Variants in TANC1 observed in about 807,000 individuals in gnomAD.
The protein encoded by TANC1 is protein TANC1.
Under a neutral mutation model 149.7 loss-of-function variants are expected in TANC1, and 77 were observed. The ratio of observed to expected loss-of-function variants is 0.51; its 90% CI spans 0.43 to 0.62. The LOEUF (loss-of-function observed/expected upper bound fraction) is 0.62. Ranked by LOEUF, TANC1 falls within the 20% of genes least tolerant of loss-of-function variation. TANC1 has a pLI of 0.00. For missense variants in TANC1, 1,985 were observed against 2,321.8 expected (o/e 0.85, Z 2.98); for synonymous variants, 854 against 925.0 (o/e 0.92, Z 1.39).
chr2:159,102,125 C>T (rs573663675), intron 4 of TANC1, among the ~76,000 whole-genome samples: 2 of 152,276 alleles, frequency 1.3e-5, no homozygotes, highest in South Asian at 4.2e-4. Flanking sequence ...ACTCCCTCCC[C>T]CAACCCGCAA....
At chr2:159,140,537 G>A (rs2051243110) in intron 5 of TANC1, among the ~76,000 whole-genome samples, 1 of 152,120 alleles carries the variant, frequency 6.6e-6, no homozygotes, top group Admixed American at 6.5e-5. Flanking sequence ...ATTTGAGATG[G>A]GTTATCAAGC....
chr2:158,969,935 A>G (rs1573873920), intron 1 of TANC1, among the ~76,000 whole-genome samples: 1 of 150,198 alleles, frequency 6.7e-6, no homozygotes, highest in Non-Finnish European at 1.5e-5. Context: ...GGGAACTTTC[A>G]TCTTGAACTT....
intron 1 of TANC1, among the ~76,000 whole-genome samples, chr2:158,991,091 CA>C (rs34411224): frequency 0.28 from 19,877 of 69,920 alleles, 1,181 homozygotes; most frequent in East Asian, 0.48. Context: ...GATCCTGTGT[CA>C]AAAAAAAAAA....
intron 4 of TANC1, among the ~76,000 whole-genome samples, chr2:159,125,152 C>T (rs2049288342): frequency 7.0e-6 from 1 of 142,974 alleles, no homozygotes; most frequent in Admixed American, 7.2e-5. Flanking sequence ...GAAAATAAGG[C>T]TTAGGTGGAG....
chr2:159,000,362 A>G (rs1025792059), intron 1 of TANC1, among the ~76,000 whole-genome samples: 4 of 152,068 alleles, frequency 2.6e-5, no homozygotes, highest in African/African-American at 9.7e-5. Flanking sequence ...ACCTGAGTAA[A>G]ATGGGAAGAA....
intron 23 of TANC1, 77 bp from the exon 24 acceptor site, chr2:159,225,611 G>GC (rs2059976502): frequency 1.7e-6 from 2 of 1,175,138 alleles, no homozygotes; most frequent in African/African-American, 3.0e-5. Flanking sequence ...CTGACCTCCA[G>GC]CCGTGGGGCC....
At chr2:159,018,392 G>C (rs748374188) in intron 2 of TANC1, among the ~76,000 whole-genome samples, 3 of 152,108 alleles carry the variant, frequency 2.0e-5, no homozygotes, top group Non-Finnish European at 4.4e-5. Context: ...GTGCATTGGG[G>C]GTCTTTGGGA....
intron 3 of TANC1, among the ~76,000 whole-genome samples, chr2:159,094,953 GT>G (rs972340531): frequency 8.8e-5 from 13 of 147,460 alleles, no homozygotes; most frequent in East Asian, 5.9e-4. Flanking sequence ...TTTGTTTTTT[GT>G]TTTTTTTTTG....
At chr2:159,136,645 C>T (rs1280653786) in intron 5 of TANC1, among the ~76,000 whole-genome samples, 1 of 151,952 alleles carries the variant, frequency 6.6e-6, no homozygotes, top group African/African-American at 2.4e-5. Context: ...TGAGAAAATT[C>T]AACAACAGGC....
intron 16 of TANC1, among the ~76,000 whole-genome samples, chr2:159,187,257 G>A (rs1436247970): frequency 1.3e-5 from 2 of 152,264 alleles, no homozygotes. Flanking sequence ...CTGAGCACAT[G>A]TGGTGACTGT....
rs555269234 is a variant in TANC1 at position 159,037,621 on chromosome 2, G to T, written c.-15-28275G>T. Among the ~76,000 whole-genome samples, 7 of 152,174 alleles carry T rather than the reference G, an allele frequency of 4.6e-5. No individual in the cohort carries two copies. The South Asian group carries it at 1.2e-3, about 27-fold the overall frequency. ...ATTTATCAAATAGGGAATCCTTTCC[G>T]TGTTCCTTGTTTTTGTCAGGTTTGT... is the stretch of plus-strand genomic sequence containing the variant. On this transcript the variant is annotated intron_variant, in intron 2 of 26. Coordinates refer to ENST00000263635, the MANE Select transcript of TANC1 (RefSeq NM_033394.3).
intron 2 of TANC1, among the ~76,000 whole-genome samples, chr2:159,037,790 A>G (rs1479484820): frequency 2.0e-5 from 3 of 152,200 alleles, no homozygotes; most frequent in Non-Finnish European, 4.4e-5. Context: ...GGGTAGCATG[A>G]TTCCTCCAGC....
intron 9 of TANC1, 118 bp downstream of exon 9, chr2:159,169,490 T>TTGTGCTAAAAGCATATCTGTGAGG: frequency 8.9e-7 from 1 of 1,118,338 alleles, no homozygotes; most frequent in Non-Finnish European, 1.3e-6. Flanking sequence ...GAAAGTGTGT[T>TTGTGCTAAAAGCATATCTGTGAGG]TGTGCTAAAA....
At chr2:159,213,070 A>T (rs1022615341) in intron 19 of TANC1, among the ~76,000 whole-genome samples, 1 of 152,208 alleles carries the variant, frequency 6.6e-6, no homozygotes, top group Non-Finnish European at 1.5e-5. Flanking sequence ...TGATGTAGTC[A>T]TCCTTCTCTT....
chr2:159,059,888 T>TTTTG (rs1195029777), intron 2 of TANC1, among the ~76,000 whole-genome samples: 11 of 114,818 alleles, frequency 9.6e-5, no homozygotes, highest in Non-Finnish European at 1.8e-4. Flanking sequence ...GCAGACCTCT[T>TTTTG]TGTGTGTGTG....
At position 159,199,027 on chromosome 2, in the gene TANC1, G is replaced by T; in HGVS notation, c.3218G>T (p.Gly1073Val). The change falls in exon 19 of 27, where the codon GGC (glycine) becomes GTC (valine). Residue 1073 changes from glycine to valine, a missense_variant. Coordinates refer to ENST00000263635, the MANE Select transcript of TANC1 (RefSeq NM_033394.3). ...MEKEHEVEVN[G>V]TDTLWGETAL... Reference sequence around the variant, plus strand: ...AAGGAACATGAAGTAGAAGTCAATGGCACCGACACATTGTGGGGAGAAACA... The same window carrying T: ...AAGGAACATGAAGTAGAAGTCAATGTCACCGACACATTGTGGGGAGAAACA... The T allele has an allele frequency of 6.2e-7, 1 of 1,613,968 alleles. No individual in the cohort carries two copies. The highest frequency in any genetic ancestry group is 1.3e-5 in the African/African-American group (1 of 75,024).
At chr2:159,209,611 G>A (rs1304943240) in intron 19 of TANC1, among the ~76,000 whole-genome samples, 1 of 152,088 alleles carries the variant, frequency 6.6e-6, no homozygotes, top group Admixed American at 6.5e-5. Flanking sequence ...CCGGTCAGCC[G>A]CCATATAGCC....
At chr2:159,148,923 C>A in intron 5 of TANC1, 2 of 457,138 alleles carry the variant, frequency 4.4e-6, no homozygotes, top group East Asian at 3.6e-5. Flanking sequence ...TCTCACTCAC[C>A]CTTTGCACTT....
chr2:159,207,783 A>G (rs1285601556), intron 19 of TANC1, among the ~76,000 whole-genome samples: 1 of 147,858 alleles, frequency 6.8e-6, no homozygotes, highest in African/African-American at 2.5e-5. Flanking sequence ...AAGTGGTTTA[A>G]TTTCGGAGGC....
Sources: allele counts gnomAD v4.1 joint callset (sites outside exome capture counted in the v4.1 genomes callset), GRCh38; gene constraint gnomAD v4.1.1; transcripts MANE v1.5; gene names NCBI Gene and HGNC (gene_info 2026-07-23, HGNC 2026-07-21).